PCDHGA1: variants seen among roughly 807,000 people sequenced by gnomAD.
PCDHGA1 encodes protocadherin gamma-A1.
PCDHGA1 carries 32 observed loss-of-function variants against 58.0 expected under a neutral mutation model. That is an observed-to-expected ratio of 0.55 (90% CI 0.42 to 0.74). PCDHGA1 has a LOEUF of 0.74. PCDHGA1 is among the 30% of genes least tolerant of loss of function. The pLI is 0.00. For synonymous variants in PCDHGA1, 498 were observed against 501.1 expected, an observed-to-expected ratio of 0.99 and a Z score of 0.08; for missense variants, 1,205 against 1,182.3, an observed-to-expected ratio of 1.02 and a Z score of -0.28.
chr5:141,497,812 T>C (rs947015544), intron 2 of PCDHGA1, among the ~76,000 whole-genome samples: 2 of 152,202 alleles, frequency 1.3e-5, no homozygotes, highest in African/African-American at 4.8e-5. Flanking sequence ...AGTGCTAGAA[T>C]TACAGGTGTG....
At position 141,344,459 on chromosome 5, in the gene PCDHGA1, T is replaced by C. The variant is rs374905915; in HGVS notation, c.2421+11354T>C. 5.1e-4 allele frequency: 826 copies of C among 1,613,718 alleles called. 1 individual carries two copies. Among genetic ancestry groups the C allele is most frequent in the Non-Finnish European group, 6.4e-4 (752 of 1,179,820 alleles). On this transcript the variant is annotated intron_variant, in intron 1 of 3. Coordinates refer to ENST00000517417, the MANE Select transcript of PCDHGA1 (RefSeq NM_018912.3). ...CAACAGAGGAATTGGAAATAAAAATTGGTGAACTAACGGTTCCTGGAACCC... is the reference window on the plus strand; with the variant it reads ...CAACAGAGGAATTGGAAATAAAAATCGGTGAACTAACGGTTCCTGGAACCC...
chr5:141,491,414 G>T lies in PCDHGA1; in HGVS notation c.2422-3393G>T, dbSNP rs137987971. ...CTTCAGGGAAACGCAGACGGGGACGGGGGTGGAGGGCAGTGCTGCAGGCGC... is the reference window on the plus strand; with the variant it reads ...CTTCAGGGAAACGCAGACGGGGACGTGGGTGGAGGGCAGTGCTGCAGGCGC... On this transcript the variant is annotated intron_variant, in intron 1 of 3. Coordinates refer to ENST00000517417, the MANE Select transcript of PCDHGA1 (RefSeq NM_018912.3). The surrounding 1 kb of genome is among the most constrained non-coding windows in gnomAD (Gnocchi z 6.9). 1.9e-6 allele frequency: 3 copies of T among 1,614,008 alleles called. No homozygotes were observed. Among genetic ancestry groups the T allele is most frequent in the Non-Finnish European group, 2.5e-6 (3 of 1,180,030 alleles).
chr5:141,389,443 A>G (rs2091769935), intron 1 of PCDHGA1: 1 of 1,610,442 alleles, frequency 6.2e-7, no homozygotes, highest in Non-Finnish European at 8.5e-7. Context: ...GCCTTCGACC[A>G]CGAGCAGCTG....
Position 141,330,953 on chromosome 5 carries a change from T to C in PCDHGA1, c.269T>C (p.Ile90Thr). The change falls in exon 1 of 4, where the codon ATA (isoleucine) becomes ACA (threonine). Residue 90 changes from isoleucine (I) to threonine (T), a missense_variant. By Grantham distance (89) the Ile-to-Thr change is moderately conservative. Coordinates refer to ENST00000517417, the MANE Select transcript of PCDHGA1 (RefSeq NM_018912.3). ...GGCAGCTTGATCACCGCGCGCAGGA[T>C]AGACCGGGAGGAGCTCTGCGCTCAG... The part of the protein sequence containing the change: ...RSGSLITARR[I>T]DREELCAQSM... The C allele has an allele frequency of 2.5e-6, 4 of 1,614,228 alleles. No homozygotes were observed. The highest frequency in any genetic ancestry group is 3.4e-6 in the Non-Finnish European group (4 of 1,180,040).
At chr5:141,478,050 C>T (rs2099429383) in intron 1 of PCDHGA1, 1 of 1,614,066 alleles carries the variant, frequency 6.2e-7, no homozygotes, top group Non-Finnish European at 8.5e-7. Flanking sequence ...CAGACTCTCA[C>T]GGTCTTGATC....
chr5:141,350,806 T>C, intron 1 of PCDHGA1: 1 of 1,613,990 alleles, frequency 6.2e-7, no homozygotes, highest in Non-Finnish European at 8.5e-7. Flanking sequence ...CGAAGGAAAG[T>C]CCTGATGGAA....
In PCDHGA1 at chr5:141,331,490, C is replaced by G. The variant is rs138254459; in HGVS notation, c.806C>G (p.Pro269Arg). Residue 269 changes from proline to arginine, a missense_variant, in exon 1 of 4, where the codon CCT (proline) becomes CGT (arginine). Pro to Arg is a moderately radical substitution (Grantham distance 103). Transcript: ENST00000517417. ...TQLLMVNATD[P>R]DEGANGEVTY... ...CTGCTCATGGTAAATGCCACTGACC[C>G]TGATGAGGGAGCCAATGGGGAAGTA... is the stretch of plus-strand genomic sequence containing the variant. 1 of 1,614,170 alleles carries G rather than the reference C, an allele frequency of 6.2e-7. No individual in the cohort carries two copies.
At chr5:141,452,412 T>G (rs1009940351) in intron 1 of PCDHGA1, among the ~76,000 whole-genome samples, 2 of 152,222 alleles carry the variant, frequency 1.3e-5, no homozygotes, top group Non-Finnish European at 2.9e-5. Context: ...GTGTGAGGTA[T>G]GCTCACTGCT....
intron 1 of PCDHGA1, chr5:141,374,945 A>C (rs779694385): frequency 6.2e-7 from 1 of 1,614,034 alleles, no homozygotes; most frequent in Admixed American, 1.7e-5. Context: ...TACAGAAAAG[A>C]TCTCACAAAT....
At chr5:141,405,251 C>T (rs1462013657) in intron 1 of PCDHGA1, 1 of 1,614,124 alleles carries the variant, frequency 6.2e-7, no homozygotes, top group Admixed American at 1.7e-5. Context: ...AAGGAAGAGT[C>T]ACCTGATCTT....
chr5:141,508,901 C>T (rs1466455227), intron 3 of PCDHGA1, among the ~76,000 whole-genome samples: 1 of 151,946 alleles, frequency 6.6e-6, no homozygotes, highest in South Asian at 2.1e-4. Flanking sequence ...GGGGGCGGGG[C>T]GGTGGCGGAT....
At position 141,332,897 on chromosome 5, in the gene PCDHGA1, C is replaced by T. The variant is rs2149714259; in HGVS notation, c.2213C>T (p.Ser738Leu). Residue 738 changes from serine to leucine, a missense_variant, in exon 1 of 4, where the codon TCG becomes TTG. Ser to Leu is a moderately radical substitution (Grantham distance 145). Transcript: ENST00000517417. This position sits in a 1 kb window ranked among gnomAD's most constrained non-coding sequence, Gnocchi z 4.6. ...SGGGLASMPG[S>L]HFVGVDGVRA... ...GGCGGCTTAGCGAGCATGCCCGGTT[C>T]GCACTTTGTGGGCGTGGACGGGGTT... The T allele has an allele frequency of 6.2e-7, 1 of 1,614,222 alleles. No individual in the cohort carries two copies. Among genetic ancestry groups the T allele is most frequent in the Non-Finnish European group, 8.5e-7 (1 of 1,180,048 alleles).
intron 1 of PCDHGA1, 157 bp from the exon 2 acceptor site, chr5:141,494,645 GTGTAT>G: frequency 1.1e-6 from 1 of 935,948 alleles, no homozygotes; most frequent in Non-Finnish European, 1.3e-6. Context: ...GAGACCTGAG[GTGTAT>G]TTTGTCTTTG....
At chr5:141,447,275 G>C (rs2098532748) in intron 1 of PCDHGA1, among the ~76,000 whole-genome samples, 1 of 152,154 alleles carries the variant, frequency 6.6e-6, no homozygotes, top group African/African-American at 2.4e-5. Flanking sequence ...AAGTAGCTGG[G>C]ACTACAGGCA....
At chr5:141,397,904 G>A in intron 1 of PCDHGA1, 1 of 657,312 alleles carries the variant, frequency 1.5e-6, no homozygotes, top group Non-Finnish European at 2.5e-6. Flanking sequence ...TGCAGAGCTT[G>A]GCGCTCCAGA....
intron 1 of PCDHGA1, chr5:141,375,397 C>T: frequency 6.2e-7 from 1 of 1,614,010 alleles, no homozygotes; most frequent in Non-Finnish European, 8.5e-7. Flanking sequence ...AAACAATCAT[C>T]TCTCTAAATG....
intron 1 of PCDHGA1, chr5:141,383,263 G>C: frequency 1.9e-6 from 3 of 1,613,926 alleles, no homozygotes; most frequent in Non-Finnish European, 2.5e-6. Context: ...TATAGACGTG[G>C]AAATAATAGA....
chr5:141,474,430 C>T (rs2099349577), intron 1 of PCDHGA1, among the ~76,000 whole-genome samples: 1 of 152,212 alleles, frequency 6.6e-6, no homozygotes, highest in African/African-American at 2.4e-5. Flanking sequence ...TTGGTCCTCA[C>T]ACTTTGAGTA....
chr5:141,470,872 T>G, intron 1 of PCDHGA1, among the ~76,000 whole-genome samples: 1 of 151,814 alleles, frequency 6.6e-6, no homozygotes, highest in East Asian at 1.9e-4. Context: ...GTTTGTTTGT[T>G]TTTTTGTTTT....
Sources: gnomAD v4.1 joint callset for allele counts (sites outside exome capture counted in the v4.1 genomes callset) on GRCh38, gnomAD v4.1.1 for gene constraint, Gnocchi (gnomAD v3.1) non-coding constraint, MANE v1.5 for transcripts, NCBI Gene and HGNC (gene_info 2026-07-23, HGNC 2026-07-21) for gene names.